Variants in MAML2 observed in about 807,000 individuals in gnomAD.
MAML2 encodes the protein mastermind-like protein 2.
In MAML2, 22 loss-of-function variants were observed where a neutral mutation model predicts 96.1. The ratio of observed to expected loss-of-function variants is 0.23; its 90% CI spans 0.16 to 0.33. MAML2 has a LOEUF of 0.33. MAML2 is among the 10% of genes least tolerant of loss of function. The pLI is 1.00. For missense variants in MAML2, 1,367 were observed against 1,392.4 expected (o/e 0.98, Z 0.29); for synonymous variants, 561 against 521.3 (o/e 1.08, Z -1.04).
intron 1 of MAML2, among the ~76,000 whole-genome samples, chr11:96,204,010 C>T (rs888111880): frequency 1.3e-4 from 20 of 152,150 alleles, no homozygotes; most frequent in African/African-American, 4.6e-4. Flanking sequence ...GGGGGAATCT[C>T]CAGGGATACA....
intron 1 of MAML2, among the ~76,000 whole-genome samples, chr11:96,104,819 G>C (rs572020522): frequency 1.3e-4 from 20 of 151,848 alleles, no homozygotes; most frequent in African/African-American, 4.6e-4. Context: ...GGGAGAGGAA[G>C]AAGTGAAGAG....
chr11:96,121,051 G>A (rs1860331534), intron 1 of MAML2, among the ~76,000 whole-genome samples: 1 of 147,052 alleles, frequency 6.8e-6, no homozygotes, highest in South Asian at 2.2e-4. Context: ...CATAACTAAC[G>A]AAAAAGTAGT....
intron 1 of MAML2, among the ~76,000 whole-genome samples, chr11:96,277,492 T>C (rs181112403): frequency 2.3e-4 from 35 of 152,242 alleles, no homozygotes; most frequent in Non-Finnish European, 8.8e-5. Context: ...GGCTCACGCC[T>C]GTAATCCCAG....
chr11:96,082,446 G>A (rs368884037), intron 2 of MAML2, among the ~76,000 whole-genome samples: 2 of 152,324 alleles, frequency 1.3e-5, no homozygotes, highest in East Asian at 3.9e-4. Context: ...AGGGGATGGA[G>A]AGAGTGAAGG....
chr11:96,336,765 C>G (rs1176556261), intron 1 of MAML2, among the ~76,000 whole-genome samples: 1 of 152,124 alleles, frequency 6.6e-6, no homozygotes, highest in Admixed American at 6.5e-5. Flanking sequence ...TATGGCCACT[C>G]TTTTAGTCAT....
At chr11:96,162,718 AG>A (rs138953561) in intron 1 of MAML2, among the ~76,000 whole-genome samples, 30,793 of 117,734 alleles carry the variant, frequency 0.26, 4,060 homozygotes, top group Non-Finnish European at 0.32. Flanking sequence ...TCTCAAAAAA[AG>A]AAAAAAAAAA....
chr11:96,261,393 G>A (rs1862747609), intron 1 of MAML2, among the ~76,000 whole-genome samples: 1 of 152,050 alleles, frequency 6.6e-6, no homozygotes, highest in Non-Finnish European at 1.5e-5. Context: ...CCAGTTTTGG[G>A]TGTTTTGTTA....
At chr11:96,122,485 T>C (rs1245619104) in intron 1 of MAML2, among the ~76,000 whole-genome samples, 1 of 130,514 alleles carries the variant, frequency 7.7e-6, no homozygotes, top group Non-Finnish European at 1.6e-5. Flanking sequence ...CAAATACAAA[T>C]CTTTTAGGCT....
chr11:96,213,729 C>A (rs916423635), intron 1 of MAML2, among the ~76,000 whole-genome samples: 5 of 152,164 alleles, frequency 3.3e-5, no homozygotes, highest in African/African-American at 1.2e-4. Flanking sequence ...AAGTTCCCCA[C>A]CATTAGTCAT....
chr11:96,266,979 A>G (rs1378960098), intron 1 of MAML2, among the ~76,000 whole-genome samples: 1 of 152,366 alleles, frequency 6.6e-6, no homozygotes, highest in East Asian at 1.9e-4. Flanking sequence ...ATTTCACATA[A>G]TAGGTCCACA....
In MAML2 at chr11:96,152,919, A is replaced by G. The variant is rs145687959; in HGVS notation, c.514-59402T>C. 3.1e-3 allele frequency among the ~76,000 whole-genome samples: 477 copies of G among 152,320 alleles called. 2 individuals are homozygous for G. The highest frequency in any genetic ancestry group is 0.01 in the Middle Eastern group (3 of 294). ...TGGATGCAAGCAAGGGAAATGCTCC[A>G]TCTATCTCTCTCAAGGTGGAGGAAC... On this transcript the variant is annotated intron_variant, in intron 1 of 4. Transcript: ENST00000524717.
rs1003771364 is a variant in MAML2, at chr11:95,979,718, C to T, written c.2701G>A (p.Ala901Thr). The change falls in exon 5 of 5, where the codon GCA (alanine) becomes ACA (threonine). Residue 901 changes from alanine to threonine, a missense_variant. Ala to Thr is a moderately conservative substitution (Grantham distance 58). Coordinates refer to ENST00000524717, the MANE Select transcript of MAML2 (RefSeq NM_032427.4). ...TQQRNPKQLL[A>T]NQNNPMMPRP... ...GGCATCATAGGGTTGTTTTGATTTG[C>T]TAACAATTGCTTTGGGTTTCTCTGT... The T allele has an allele frequency of 1.7e-5, 27 of 1,613,922 alleles. No individual in the cohort carries two copies. Among genetic ancestry groups the T allele is most frequent in the Non-Finnish European group, 2.1e-5 (25 of 1,179,868 alleles).
chr11:96,058,473 C>T (rs1286229597), intron 2 of MAML2, among the ~76,000 whole-genome samples: 3 of 152,108 alleles, frequency 2.0e-5, no homozygotes, highest in African/African-American at 7.2e-5. Context: ...GCATGCGCCA[C>T]CATGCCTGGC....
chr11:96,058,467 G>A (rs1859103842), intron 2 of MAML2, among the ~76,000 whole-genome samples: 1 of 152,104 alleles, frequency 6.6e-6, no homozygotes. Flanking sequence ...CTACGGGCAT[G>A]CGCCACCATG....
intron 1 of MAML2, among the ~76,000 whole-genome samples, chr11:96,283,765 C>T (rs1314553617): frequency 6.6e-6 from 1 of 152,216 alleles, no homozygotes; most frequent in East Asian, 1.9e-4. Context: ...CTTTCTTTTA[C>T]ATTTTCGACC....
chr11:96,072,354 A>G (rs889335735), intron 2 of MAML2, among the ~76,000 whole-genome samples: 6 of 152,238 alleles, frequency 3.9e-5, no homozygotes, highest in African/African-American at 1.4e-4. Flanking sequence ...CTAGAGATTC[A>G]CTGGGGGATA....
chr11:96,099,480 A>G lies in MAML2; in HGVS notation c.514-5963T>C, dbSNP rs187795038. Among the ~76,000 whole-genome samples, 83 of 152,258 alleles carry G rather than the reference A, an allele frequency of 5.5e-4. 1 individual carries two copies. Among genetic ancestry groups the G allele is most frequent in the African/African-American group, 1.8e-3 (74 of 41,512 alleles). ...TCCTTGTATTACTAGATATTATTTTATGGCCACACAGTAATTAGGTTTGCC... is the reference window on the plus strand; with the variant it reads ...TCCTTGTATTACTAGATATTATTTTGTGGCCACACAGTAATTAGGTTTGCC... On this transcript the variant is annotated intron_variant, in intron 1 of 4. Transcript: ENST00000524717.
intron 1 of MAML2, among the ~76,000 whole-genome samples, chr11:96,230,231 GACA>G (rs1377060206): frequency 6.6e-6 from 1 of 152,074 alleles, no homozygotes; most frequent in Non-Finnish European, 1.5e-5. Context: ...GTATGATGAT[GACA>G]ACATTTGTGC....
At chr11:96,096,009 C>A (rs1859820350) in intron 1 of MAML2, among the ~76,000 whole-genome samples, 1 of 152,158 alleles carries the variant, frequency 6.6e-6, no homozygotes, top group African/African-American at 2.4e-5. Context: ...CACTGTCTAT[C>A]CTCATGGGGT....
Sources: allele counts gnomAD v4.1 joint callset (sites outside exome capture counted in the v4.1 genomes callset), GRCh38; gene constraint gnomAD v4.1.1; transcripts MANE v1.5; gene names NCBI Gene and HGNC (gene_info 2026-07-23, HGNC 2026-07-21).